The following NPAS3 variants were observed in gnomAD, a reference collection of about 807,000 sequenced individuals.
NPAS3 encodes neuronal PAS domain protein 3.
In NPAS3, 14 loss-of-function variants were observed where a neutral mutation model predicts 73.1. That is an observed-to-expected ratio of 0.19 (90% CI 0.13 to 0.30). NPAS3 has a LOEUF of 0.30. Among genes scored for constraint, NPAS3 ranks in the 10% least tolerant of loss-of-function variants. NPAS3 has a pLI of 1.00. For synonymous variants in NPAS3, 620 were observed against 541.5 expected (o/e 1.14, Z -2.01); for missense variants, 1,096 against 1,250.0 (o/e 0.88, Z 1.86).
intron 7 of NPAS3, among the ~76,000 whole-genome samples, chr14:33,744,736 G>A (rs116556915): frequency 0.011 from 1,732 of 152,182 alleles, 15 homozygotes; most frequent in Middle Eastern, 0.048. Context: ...GTTGCAGTGT[G>A]CTGAGATTGC....
chr14:33,568,656 T>C (rs12437055), intron 5 of NPAS3, among the ~76,000 whole-genome samples: 3,180 of 152,302 alleles, frequency 0.021, 190 homozygotes, highest in East Asian at 0.19. Context: ...TTCATTTCTA[T>C]ACACACACAT....
At chr14:33,460,501 C>T (rs988747423) in intron 4 of NPAS3, among the ~76,000 whole-genome samples, 4 of 152,088 alleles carry the variant, frequency 2.6e-5, no homozygotes, top group East Asian at 1.9e-4. Flanking sequence ...CAGTTATGTC[C>T]CTGAAGCTGT....
intron 3 of NPAS3, among the ~76,000 whole-genome samples, chr14:33,332,155 G>C (rs1402479065): frequency 6.6e-6 from 1 of 152,152 alleles, no homozygotes; most frequent in Non-Finnish European, 1.5e-5. Flanking sequence ...AACTTTAAAT[G>C]TAAACAAAAT....
chr14:33,134,958 T>G, intron 2 of NPAS3, among the ~76,000 whole-genome samples: 1 of 152,202 alleles, frequency 6.6e-6, no homozygotes, highest in East Asian at 1.9e-4. Flanking sequence ...GTTTCAGTGT[T>G]ACTTCACAAA....
chr14:33,255,578 A>G (rs2048749342), intron 3 of NPAS3, among the ~76,000 whole-genome samples: 1 of 152,058 alleles, frequency 6.6e-6, no homozygotes, highest in African/African-American at 2.4e-5. Flanking sequence ...TTTCTTCTCC[A>G]TGATTATAGT....
chr14:33,223,536 C>A (rs904278534), intron 3 of NPAS3, among the ~76,000 whole-genome samples: 1 of 152,136 alleles, frequency 6.6e-6, no homozygotes, highest in Non-Finnish European at 1.5e-5. Flanking sequence ...TCATAAAGCC[C>A]TCTCTAGACC....
Position 33,322,819 on chromosome 14 carries a change from G to C in NPAS3, c.386-44367G>C, listed in dbSNP as rs1360002200. On this transcript the variant is annotated intron_variant, in intron 3 of 11. Transcript: ENST00000356141. ...GTTATAGAAGAGGTGTTTTGGTGTA[G>C]GACATCCTTCCCCTTAGGTGGCATT... Among the ~76,000 whole-genome samples the C allele has an allele frequency of 3.3e-5, 5 of 152,202 alleles. No homozygotes were observed. The East Asian group carries it at 9.7e-4, about 29-fold the overall frequency.
At chr14:33,268,495 AT>A (rs2139998572) in intron 3 of NPAS3, among the ~76,000 whole-genome samples, 1 of 151,938 alleles carries the variant, frequency 6.6e-6, no homozygotes, top group South Asian at 2.1e-4. Flanking sequence ...CTTGTCTTTG[AT>A]GTTTATTTGC....
At chr14:33,535,950 G>C (rs1011922024) in intron 4 of NPAS3, among the ~76,000 whole-genome samples, 1 of 152,126 alleles carries the variant, frequency 6.6e-6, no homozygotes, top group Non-Finnish European at 1.5e-5. Flanking sequence ...TATGTTTAGA[G>C]GCCACTGGTT....
At chr14:33,003,256 A>C (rs887278602) in intron 1 of NPAS3, among the ~76,000 whole-genome samples, 1 of 152,120 alleles carries the variant, frequency 6.6e-6, no homozygotes, top group African/African-American at 2.4e-5. Context: ...TAACACTAAC[A>C]CATAGTAACA....
intron 2 of NPAS3, among the ~76,000 whole-genome samples, chr14:33,061,707 T>C (rs2041106824): frequency 6.6e-6 from 1 of 152,144 alleles, no homozygotes; most frequent in African/African-American, 2.4e-5. Flanking sequence ...GGTCAGGTGC[T>C]TTTCTACACG....
chr14:33,461,875 A>G (rs1330795184), intron 4 of NPAS3, among the ~76,000 whole-genome samples: 1 of 152,184 alleles, frequency 6.6e-6, no homozygotes, highest in Admixed American at 6.5e-5. Context: ...CAGTTTCATC[A>G]CTTGTGAAAT....
At chr14:33,196,823 T>C (rs1308931975) in intron 2 of NPAS3, among the ~76,000 whole-genome samples, 2 of 152,200 alleles carry the variant, frequency 1.3e-5, no homozygotes, top group African/African-American at 4.8e-5. Context: ...GAGTCAAATG[T>C]GCTCTCATTT....
intron 2 of NPAS3, among the ~76,000 whole-genome samples, chr14:33,141,390 C>T (rs1485116847): frequency 6.6e-6 from 1 of 152,118 alleles, no homozygotes; most frequent in Non-Finnish European, 1.5e-5. Flanking sequence ...GCACGCTGGC[C>T]TCCATTTATT....
At chr14:33,374,711 G>C (rs1032834634) in intron 4 of NPAS3, among the ~76,000 whole-genome samples, 3 of 148,934 alleles carry the variant, frequency 2.0e-5, no homozygotes, top group Non-Finnish European at 1.5e-5. Context: ...GGGCGGGGGG[G>C]GGAGTAGAGA....
chr14:33,257,056 T>C (rs1200883091), intron 3 of NPAS3, among the ~76,000 whole-genome samples: 2 of 152,172 alleles, frequency 1.3e-5, no homozygotes, highest in East Asian at 3.9e-4. Flanking sequence ...TTTCATATAC[T>C]CCTGGTTAGC....
chr14:33,129,700 A>G (rs1036502100), intron 2 of NPAS3, among the ~76,000 whole-genome samples: 2 of 152,140 alleles, frequency 1.3e-5, no homozygotes, highest in African/African-American at 4.8e-5. Flanking sequence ...CAGAGCAAGC[A>G]CATTCATAAT....
At chr14:33,744,205 T>C (rs61373095) in intron 7 of NPAS3, among the ~76,000 whole-genome samples, 10,818 of 152,260 alleles carry the variant, frequency 0.071, 1,290 homozygotes, top group African/African-American at 0.24. Context: ...TTCTAGCTTT[T>C]GATTTAAAGT....
At chr14:32,953,557 T>C (rs1232124692) in intron 1 of NPAS3, among the ~76,000 whole-genome samples, 3 of 151,902 alleles carry the variant, frequency 2.0e-5, no homozygotes, top group Non-Finnish European at 4.4e-5. Flanking sequence ...TTCGAGGGGG[T>C]CTGTTTTCCC....
Sources: allele counts gnomAD v4.1 joint callset (sites outside exome capture counted in the v4.1 genomes callset), GRCh38; gene constraint gnomAD v4.1.1; transcripts MANE v1.5; gene names NCBI Gene and HGNC (gene_info 2026-07-23, HGNC 2026-07-21).